ZNF493: variants seen among roughly 807,000 people sequenced by gnomAD.
ZNF493 encodes zinc finger protein 493.
A neutral mutation model predicts 12.2 loss-of-function variants in ZNF493; 11 were observed. The ratio of observed to expected loss-of-function variants is 0.90; its 90% confidence interval spans 0.57 to 1.50. ZNF493 has a LOEUF of 1.50. ZNF493 is among the 40% of genes most tolerant of loss of function. ZNF493 has a pLI of 0.00. For missense variants in ZNF493, 950 were observed against 906.6 expected, an observed-to-expected ratio of 1.05 and a Z score of -0.61; for synonymous variants, 286 against 302.6, an observed-to-expected ratio of 0.95 and a Z score of 0.57.
At chr19:21,421,733 C>T in intron 3 of ZNF493, among the ~76,000 whole-genome samples, 1 of 152,186 alleles carries the variant, frequency 6.6e-6, no homozygotes, top group East Asian at 1.9e-4. Flanking sequence ...ATATGGCTTT[C>T]TCCTGGCATA....
chr19:21,419,542 AG>A (rs1020662387), intron 3 of ZNF493, among the ~76,000 whole-genome samples: 2 of 152,102 alleles, frequency 1.3e-5, no homozygotes, highest in African/African-American at 2.4e-5. Context: ...AGAAAGATGA[AG>A]GCTAGGCCAA....
intron 3 of ZNF493, among the ~76,000 whole-genome samples, chr19:21,417,030 G>A (rs2030516173): frequency 6.6e-6 from 1 of 152,160 alleles, no homozygotes; most frequent in Non-Finnish European, 1.5e-5. Context: ...CAGGGGTGAG[G>A]GAATGGCCTG....
Position 21,425,378 on chromosome 19 carries a change from T to C in ZNF493, c.*394T>C, listed in dbSNP as rs1054835730. On this transcript the variant is annotated 3_prime_UTR_variant, in exon 4 of 4. Transcript: ENST00000392288. The stretch of plus-strand genomic sequence containing the variant: ...ACAAATATGAGGAATGTCTCAAAGC[T>C]TTTTACTGATTCTTATACCTTACTA... 1 of 414,208 alleles carries C rather than the reference T, an allele frequency of 2.4e-6. No individual in the cohort carries two copies. The highest frequency in any genetic ancestry group is 4.7e-6 in the Non-Finnish European group (1 of 210,812). 25.7% of individuals were successfully genotyped at this position (414,208 alleles called of 1,614,324 possible).
intron 1 of ZNF493, among the ~76,000 whole-genome samples, chr19:21,404,280 T>C (rs1252625191): frequency 6.6e-6 from 1 of 152,262 alleles, no homozygotes; most frequent in Admixed American, 6.5e-5. Context: ...CCTCAGACTA[T>C]AATTTACTTT....
At chr19:21,418,509 G>C (rs1347382572) in intron 3 of ZNF493, among the ~76,000 whole-genome samples, 2 of 151,966 alleles carry the variant, frequency 1.3e-5, no homozygotes, top group Non-Finnish European at 2.9e-5. Context: ...ACCTGGATTC[G>C]AGCCCCCATG....
chr19:21,418,456 G>A (rs143948764), intron 3 of ZNF493, among the ~76,000 whole-genome samples: 3 of 152,172 alleles, frequency 2.0e-5, no homozygotes, highest in African/African-American at 7.2e-5. Context: ...GGTGTCCTCC[G>A]GCTTAGTTCT....
In ZNF493 at chr19:21,425,688, T is replaced by C. The variant is rs2030837204; in HGVS notation, c.*704T>C. On this transcript the variant is annotated 3_prime_UTR_variant, in exon 4 of 4. Transcript: ENST00000392288. ...GATAATTCATGCTGGAGAGAAACCC[T>C]ACAAATGTGAAAAATGTGGCAAAGC... 2 of 768,134 alleles carry C rather than the reference T, an allele frequency of 2.6e-6. No homozygotes were observed. Among genetic ancestry groups the C allele is most frequent in the Non-Finnish European group, 4.3e-6 (2 of 463,070 alleles). 47.6% of individuals were successfully genotyped at this position (768,134 alleles called of 1,614,324 possible).
chr19:21,406,475 T>C (rs1479697211), intron 3 of ZNF493, among the ~76,000 whole-genome samples: 2 of 152,138 alleles, frequency 1.3e-5, no homozygotes, highest in African/African-American at 2.4e-5. Flanking sequence ...ATCATCTTCA[T>C]GGCATATAAG....
chr19:21,408,900 T>C, intron 3 of ZNF493: 2 of 730,820 alleles, frequency 2.7e-6, no homozygotes, highest in South Asian at 1.2e-4. Context: ...TTTTTTTTTT[T>C]AAGGTGGAGT....
chr19:21,413,437 A>G, intron 3 of ZNF493: 1 of 405,862 alleles, frequency 2.5e-6, no homozygotes. Flanking sequence ...TAAATTGCTC[A>G]TTGTGACTGG....
At chr19:21,410,901 TCCTCCCTCAG>T (rs1395930134) in intron 3 of ZNF493, among the ~76,000 whole-genome samples, 1 of 152,134 alleles carries the variant, frequency 6.6e-6, no homozygotes, top group African/African-American at 2.4e-5. Context: ...CAAGCAGTTC[TCCTCCCTCAG>T]CCTCCCAAGT....
intron 3 of ZNF493, among the ~76,000 whole-genome samples, chr19:21,411,309 T>C (rs1051279670): frequency 6.6e-6 from 1 of 152,190 alleles, no homozygotes; most frequent in Non-Finnish European, 1.5e-5. Context: ...TATCTTTGTG[T>C]AAGTATCACA....
At position 21,408,886 on chromosome 19, in the gene ZNF493, T is replaced by TTC; in HGVS notation, c.253+3031_253+3032insCT. The TTC allele has an allele frequency of 3.7e-6, 3 of 802,240 alleles. No individual in the cohort carries two copies. The African/African-American group carries it at 5.8e-5, about 16-fold the overall frequency. The allele number at this position is 802,240 out of a possible 1,614,324, so 49.7% of individuals were successfully genotyped here. On this transcript the variant is annotated intron_variant, in intron 3 of 3. Coordinates refer to ENST00000392288, the MANE Select transcript of ZNF493 (RefSeq NM_001076678.3). ...TATATATTCTTTCTTTCTTTCTTTT[T>TTC]TTTTTTTTTTTTTTAAGGTGGAGTC...
At chr19:21,402,783 T>C (rs1263700003) in intron 1 of ZNF493, among the ~76,000 whole-genome samples, 2 of 152,188 alleles carry the variant, frequency 1.3e-5, no homozygotes, top group African/African-American at 4.8e-5. Flanking sequence ...TAGAATCTGA[T>C]GACAGAATCT....
intron 1 of ZNF493, 99 bp downstream of exon 1, chr19:21,397,366 TC>T: frequency 7.2e-7 from 1 of 1,389,808 alleles, no homozygotes; most frequent in Non-Finnish European, 1.0e-6. Flanking sequence ...CGCAGTCAGC[TC>T]CACAATCTGC....
intron 3 of ZNF493, chr19:21,412,268 G>T (rs1008612286): frequency 6.6e-6 from 1 of 152,238 alleles, no homozygotes; most frequent in African/African-American, 2.4e-5. Flanking sequence ...AAAGGGATGG[G>T]TTGGGCTAGT....
intron 3 of ZNF493, among the ~76,000 whole-genome samples, chr19:21,420,550 T>C (rs1305454219): frequency 7.3e-6 from 1 of 137,310 alleles, no homozygotes; most frequent in African/African-American, 2.7e-5. Context: ...TTTCTTTTTA[T>C]TTAGCAGGAC....
rs148773416 is a variant in ZNF493 at position 21,414,189 on chromosome 19, G to C, written c.253+8333G>C. The C allele has an allele frequency of 4.9e-4, 74 of 152,206 alleles. 1 individual carries two copies. The highest frequency in any genetic ancestry group is 1.7e-3 in the African/African-American group (72 of 41,446). 9.4% of individuals were successfully genotyped at this position (152,206 alleles called of 1,614,324 possible). A position where few individuals can be genotyped will look rare whatever the true frequency, so the allele number is the denominator to read the frequency against. On this transcript the variant is annotated intron_variant, in intron 3 of 3. Coordinates refer to ENST00000392288, the MANE Select transcript of ZNF493 (RefSeq NM_001076678.3). ...TGTAGCCCAGACAAAGTAAGAAAAG[G>C]TGTCCACACATACATGTATATAAGC...
At chr19:21,421,137 T>A (rs927672721) in intron 3 of ZNF493, among the ~76,000 whole-genome samples, 3 of 152,184 alleles carry the variant, frequency 2.0e-5, no homozygotes, top group African/African-American at 7.2e-5. Flanking sequence ...ATAAATATCT[T>A]TGCTTGTATC....
Sources: gnomAD v4.1 joint callset for allele counts (sites outside exome capture counted in the v4.1 genomes callset) on GRCh38, gnomAD v4.1.1 for gene constraint, MANE v1.5 for transcripts, NCBI Gene and HGNC (gene_info 2026-07-23, HGNC 2026-07-21) for gene names.